CPLANE1: variants seen among roughly 807,000 people sequenced by gnomAD.
CPLANE1 encodes the protein ciliogenesis and planar polarity effector complex subunit 1, also known as ciliogenesis and planar polarity effector 1.
CPLANE1 carries 263 observed loss-of-function variants against 362.5 expected under a neutral mutation model. That is an observed-to-expected ratio of 0.73 (90% CI 0.66 to 0.80). The LOEUF is 0.80. Ranked by LOEUF, CPLANE1 falls within the 30% of genes least tolerant of loss-of-function variation. CPLANE1 has a pLI of 0.00. For synonymous variants in CPLANE1, 1,212 were observed against 1,302.6 expected (o/e 0.93, Z 1.50); for missense variants, 3,461 against 3,793.4 (o/e 0.91, Z 2.30).
rs552673952 is a variant in CPLANE1 at position 37,246,071 on chromosome 5, T to C, written c.82-226A>G. On this transcript the variant is annotated intron_variant, in intron 2 of 52. Coordinates refer to ENST00000651892, the MANE Select transcript of CPLANE1 (RefSeq NM_001384732.1). Reference sequence around the variant, plus strand: ...AATAGGTAAGGCTACCTAGTAGTTGTATTTCAATTTCTTTGAAGTTTAAAA... The same window carrying C: ...AATAGGTAAGGCTACCTAGTAGTTGCATTTCAATTTCTTTGAAGTTTAAAA... The C allele has an allele frequency of 1.6e-5, 5 of 307,206 alleles. No individual in the cohort carries two copies. The South Asian group carries it at 7.4e-4, about 45-fold the overall frequency. The allele number at this position is 307,206 out of a possible 1,614,324, so 19.0% of individuals were successfully genotyped here. A position where few individuals can be genotyped will look rare whatever the true frequency, so the allele number is the denominator to read the frequency against.
downstream of CPLANE1, among the ~76,000 whole-genome samples, chr5:37,105,653 A>G (rs1757534152): frequency 6.6e-6 from 1 of 152,226 alleles, no homozygotes; most frequent in Admixed American, 6.5e-5. Flanking sequence ...ATGAAAGCAA[A>G]AATTGACAAA....
the CPLANE1 span, among the ~76,000 whole-genome samples, chr5:37,076,704 C>T: frequency 2.0e-5 from 3 of 151,792 alleles, no homozygotes; most frequent in African/African-American, 7.3e-5. Context: ...ATAGAGTTCC[C>T]TTTGTCATTG....
chr5:37,125,019 G>A, intron 47 of CPLANE1: 1 of 1,292,896 alleles, frequency 7.7e-7, no homozygotes, highest in Non-Finnish European at 9.7e-7. Flanking sequence ...TTAGCCTGGG[G>A]GACAAGAAAA....
the CPLANE1 span, among the ~76,000 whole-genome samples, chr5:37,099,963 T>A: frequency 6.6e-6 from 1 of 152,320 alleles, no homozygotes; most frequent in East Asian, 1.9e-4. Context: ...TAATGGGGTT[T>A]TTTTTCTTGT....
At chr5:37,217,421 T>C (rs1253747569) in intron 15 of CPLANE1, among the ~76,000 whole-genome samples, 5 of 145,042 alleles carry the variant, frequency 3.4e-5, no homozygotes, top group East Asian at 4.3e-4. Context: ...GCCTGGCCAA[T>C]ATGGTGAAAC....
the CPLANE1 span, among the ~76,000 whole-genome samples, chr5:37,088,240 T>A: frequency 6.6e-6 from 1 of 152,242 alleles, no homozygotes; most frequent in Non-Finnish European, 1.5e-5. Flanking sequence ...GCTGCTGATA[T>A]CTTATCGTTG....
Position 37,224,263 on chromosome 5 carries a change from G to C in CPLANE1, c.2571C>G (p.Ile857Met). The C allele has an allele frequency of 6.5e-7, 1 of 1,546,472 alleles. No homozygotes were observed. Residue 857 changes from isoleucine (I) to methionine (M), a missense_variant, in exon 14 of 53, where the codon ATC becomes ATG. Ile to Met is a conservative substitution (Grantham distance 10). Around this residue, in one of 2 missense-constraint regions of CPLANE1, gnomAD observed 3,380 missense variants for 3,666.1 expected, o/e 0.92. Coordinates refer to ENST00000651892, the MANE Select transcript of CPLANE1 (RefSeq NM_001384732.1). ...VQLWKKALQE[I>M]EEKGGRRTYF... ...TTAACACTCTCTTACCTTTCTCTTC[G>C]ATTTCTTGTAGAGCTTTTTTCCACA... is the stretch of plus-strand genomic sequence containing the variant.
At chr5:37,140,140 C>A (rs1769223109) in intron 44 of CPLANE1, 1 of 877,016 alleles carries the variant, frequency 1.1e-6, no homozygotes, top group Admixed American at 6.2e-5. Context: ...TCTATTCAGT[C>A]TTCTATATGT....
the CPLANE1 span, among the ~76,000 whole-genome samples, chr5:37,080,055 T>C: frequency 6.6e-6 from 1 of 152,362 alleles, no homozygotes; most frequent in South Asian, 2.1e-4. Flanking sequence ...GATGAGCGGA[T>C]ATTCAAGCTA....
rs752231265 is a variant in CPLANE1, at chr5:37,243,018, A to G, written c.672T>C (p.Ser224=). 15 of 1,528,642 alleles carry G rather than the reference A, an allele frequency of 9.8e-6. No individual in the cohort carries two copies. The highest frequency in any genetic ancestry group is 1.2e-5 in the South Asian group (1 of 81,300). The allele number at this position is 1,528,642 out of a possible 1,614,324, so 94.7% of individuals were successfully genotyped here. The part of the protein sequence containing the change: ...AIRWHENVFT[S]VRSLPYHVHW... Reference sequence around the variant, plus strand: ...GAAGAAAACATTTACCTCACCTTACAGATGTAAATACATTCTCATGCCACC... The same window carrying G: ...GAAGAAAACATTTACCTCACCTTACGGATGTAAATACATTCTCATGCCACC... The change falls in exon 6 of 53, where the codon TCT becomes TCC. Residue 224 remains serine, a synonymous_variant. Transcript: ENST00000651892.
At chr5:37,240,075 G>A (rs1799997014) in intron 6 of CPLANE1, among the ~76,000 whole-genome samples, 1 of 152,152 alleles carries the variant, frequency 6.6e-6, no homozygotes, top group Non-Finnish European at 1.5e-5. Flanking sequence ...GGGTTGGCTG[G>A]GCACGGTAGC....
chr5:37,238,455 T>G (rs1474687779), intron 8 of CPLANE1, among the ~76,000 whole-genome samples: 5 of 151,326 alleles, frequency 3.3e-5, no homozygotes, highest in Admixed American at 3.3e-4. Context: ...AGTGCTGGGA[T>G]TACAGGCGTG....
chr5:37,193,209 C>T lies in CPLANE1; in HGVS notation c.3811+2649G>A, dbSNP rs1031613813. ...CAACAACAACAAAACTTCATCTGTT[C>T]ACTACATATACTGAAGTACTTATTG... On this transcript the variant is annotated intron_variant, in intron 21 of 52. Transcript: ENST00000651892. Among the ~76,000 whole-genome samples, 7 of 151,976 alleles carry T rather than the reference C, an allele frequency of 4.6e-5. No homozygotes were observed. The East Asian group carries it at 1.4e-3, about 29-fold the overall frequency.
chr5:37,240,656 C>A (rs1251381465), intron 6 of CPLANE1, among the ~76,000 whole-genome samples: 3 of 152,162 alleles, frequency 2.0e-5, no homozygotes, highest in African/African-American at 7.2e-5. Flanking sequence ...TCCAACCAGG[C>A]CCCACCTCCA....
At chr5:37,236,664 A>G (rs1222883463) in intron 8 of CPLANE1, among the ~76,000 whole-genome samples, 2 of 151,320 alleles carry the variant, frequency 1.3e-5, no homozygotes, top group Non-Finnish European at 2.9e-5. Flanking sequence ...TTTGCACACT[A>G]TGTGTCTGAC....
chr5:37,125,203 C>T, intron 47 of CPLANE1, 41 bp downstream of exon 47: 4 of 1,549,966 alleles, frequency 2.6e-6, no homozygotes, highest in Non-Finnish European at 3.5e-6. Flanking sequence ...AGTAATTACA[C>T]ATATTCTGTA....
the CPLANE1 span, among the ~76,000 whole-genome samples, chr5:37,100,027 T>TA: frequency 6.8e-6 from 1 of 148,066 alleles, no homozygotes; most frequent in East Asian, 1.9e-4. Flanking sequence ...GTCAGACGGA[T>TA]AGAGTACAAA....
At chr5:37,125,534 T>C (rs192721434) in intron 46 of CPLANE1, 125 bp from the exon 47 acceptor site, 58 of 826,214 alleles carry the variant, frequency 7.0e-5, no homozygotes, top group East Asian at 1.3e-4. Context: ...TATATACTTA[T>C]GTTCTCTAGT....
Position 37,157,355 on chromosome 5 carries a change from T to C in CPLANE1, c.8077A>G (p.Ser2693Gly), listed in dbSNP as rs755609263. ...RAGITEVKEP[S>G]VTSPTPSDIQ... ...TCTGATGGTGTAGGTGAGGTGACAC[T>C]AGGCTCCTTCACTTCTGTAATGCCT... Residue 2693 changes from serine (S) to glycine (G), a missense_variant, in exon 41 of 53, where the codon AGT (serine) becomes GGT (glycine). Transcript: ENST00000651892. 1 of 1,391,884 alleles carries C rather than the reference T, an allele frequency of 7.2e-7. No homozygotes were observed. Among genetic ancestry groups the C allele is most frequent in the South Asian group, 1.1e-5 (1 of 88,370 alleles). The allele number at this position is 1,391,884 out of a possible 1,614,324, so 86.2% of individuals were successfully genotyped here.
Sources: gnomAD v4.1 joint callset for allele counts (sites outside exome capture counted in the v4.1 genomes callset) on GRCh38, gnomAD v4.1.1 for gene constraint, gnomAD v4.1.1 regional missense constraint, MANE v1.5 for transcripts, NCBI Gene and HGNC (gene_info 2026-07-23, HGNC 2026-07-21) for gene names.